EPHA10: variants seen among roughly 807,000 people sequenced by gnomAD.
The protein encoded by EPHA10 is ephrin type-A receptor 10.
In EPHA10, 120 loss-of-function variants were observed where a neutral mutation model predicts 109.7. The observed-to-expected ratio is 1.09, with a 90% CI of 0.94 to 1.27. The LOEUF (loss-of-function observed/expected upper bound fraction) is 1.27, where lower values mean the gene tolerates loss of function less well. EPHA10 is among the 50% of genes most tolerant of loss of function. The pLI is 0.00. For missense variants in EPHA10, 1,396 were observed against 1,411.1 expected, an observed-to-expected ratio of 0.99 and a Z score of 0.17; for synonymous variants, 640 against 618.9, an observed-to-expected ratio of 1.03 and a Z score of -0.51.
At chr1:37,758,448 C>T (rs1028966874) in intron 3 of EPHA10, among the ~76,000 whole-genome samples, 6 of 152,206 alleles carry the variant, frequency 3.9e-5, no homozygotes, top group African/African-American at 1.4e-4. Flanking sequence ...CTACTGCAAC[C>T]TGTTCTCTGT....
chr1:37,761,552 C>T lies in EPHA10; in HGVS notation c.703G>A (p.Glu235Lys). 2 of 1,599,018 alleles carry T rather than the reference C, an allele frequency of 1.3e-6. No homozygotes were observed. Among genetic ancestry groups the T allele is most frequent in the African/African-American group, 1.3e-5 (1 of 74,898 alleles). ...TGCGCCACGCACGTTCCGGCCACTTCCACCAGTGTGGAGAAGGCGCTCTCG... is the reference window on the plus strand; with the variant it reads ...TGCGCCACGCACGTTCCGGCCACTTTCACCAGTGTGGAGAAGGCGCTCTCG... ...AAESAFSTLVEVAGTCVAHSE... is the reference protein window; with the variant it reads ...AAESAFSTLVKVAGTCVAHSE... The change falls in exon 3 of 17, where the codon GAA (glutamate) becomes AAA (lysine). Residue 235 changes from glutamate to lysine, a missense_variant. Physicochemically the swap from Glu to Lys is moderately conservative, Grantham distance 56. Coordinates refer to ENST00000373048, the MANE Select transcript of EPHA10 (RefSeq NM_001099439.2).
intron 6 of EPHA10, among the ~76,000 whole-genome samples, chr1:37,735,033 G>C (rs1408797764): frequency 6.6e-6 from 1 of 152,194 alleles, no homozygotes; most frequent in African/African-American, 2.4e-5. Context: ...GTGACATGGG[G>C]ACAATGGAGA....
chr1:37,748,291 A>G (rs1646270892), intron 5 of EPHA10, among the ~76,000 whole-genome samples: 1 of 152,132 alleles, frequency 6.6e-6, no homozygotes, highest in Non-Finnish European at 1.5e-5. Context: ...CCTGGGAGGT[A>G]GAGGTTGCAG....
At chr1:37,733,195 G>C (rs368462684) in intron 6 of EPHA10, among the ~76,000 whole-genome samples, 1 of 151,536 alleles carries the variant, frequency 6.6e-6, no homozygotes, top group Non-Finnish European at 1.5e-5. Context: ...GCCCGGACTT[G>C]TTCCTTCTTT....
rs553457141 is a variant in EPHA10 at position 37,745,018 on chromosome 1, G to A, written c.1357+7858C>T. Among the ~76,000 whole-genome samples, 176 of 152,290 alleles carry A rather than the reference G, an allele frequency of 1.2e-3. 1 individual carries two copies. The highest frequency in any genetic ancestry group is 3.5e-3 in the African/African-American group (147 of 41,574). On this transcript the variant is annotated intron_variant, in intron 5 of 16. Coordinates refer to ENST00000373048, the MANE Select transcript of EPHA10 (RefSeq NM_001099439.2). The stretch of plus-strand genomic sequence containing the variant: ...GACAGCCATGTGACTAGAGTGATGC[G>A]TCTGCGAGCCAAGGAACACCAAGGA...
intron 5 of EPHA10, among the ~76,000 whole-genome samples, chr1:37,746,154 G>A (rs998666314): frequency 1.2e-4 from 17 of 140,426 alleles, no homozygotes; most frequent in Admixed American, 3.8e-4. Context: ...ATGTTGGAAC[G>A]CAATGGCACG....
chr1:37,739,930 C>CA (rs76877755), intron 5 of EPHA10, among the ~76,000 whole-genome samples: 37,695 of 151,592 alleles, frequency 0.25, 4,817 homozygotes, highest in Admixed American at 0.28. Context: ...CCTGTCTCTA[C>CA]AAAAAATCAA....
At chr1:37,749,938 G>A (rs1391197360) in intron 5 of EPHA10, among the ~76,000 whole-genome samples, 1 of 152,174 alleles carries the variant, frequency 6.6e-6, no homozygotes, top group Non-Finnish European at 1.5e-5. Flanking sequence ...CTAAGTGACA[G>A]GAGTCTTTCA....
intron 6 of EPHA10, among the ~76,000 whole-genome samples, chr1:37,731,835 AG>A (rs1419326186): frequency 6.6e-6 from 1 of 152,198 alleles, no homozygotes; most frequent in Non-Finnish European, 1.5e-5. Context: ...TCTGCATAAG[AG>A]AAATTTTAGA....
chr1:37,718,295 C>T lies in EPHA10; in HGVS notation c.*77G>A, dbSNP rs1337505901. ...CGCTCCCTCCCACACTGCTGGAGCG[C>T]AGCTTGCCACGGTCCTTGGGCAGGG... is the stretch of plus-strand genomic sequence containing the variant. On this transcript the variant is annotated 3_prime_UTR_variant, in exon 17 of 17. Transcript: ENST00000373048. 1.2e-5 allele frequency: 15 copies of T among 1,281,206 alleles called. No homozygotes were observed. The highest frequency in any genetic ancestry group is 5.5e-6 in the Non-Finnish European group (5 of 913,382). 79.4% of individuals were successfully genotyped at this position (1,281,206 alleles called of 1,614,324 possible). A position where few individuals can be genotyped will look rare whatever the true frequency, so the allele number is the denominator to read the frequency against.
At chr1:37,723,585 C>G (rs1375307910) in intron 8 of EPHA10, among the ~76,000 whole-genome samples, 3 of 152,230 alleles carry the variant, frequency 2.0e-5, no homozygotes, top group Non-Finnish European at 4.4e-5. Flanking sequence ...AAACCGTCAC[C>G]ACCACCACCA....
intron 8 of EPHA10, among the ~76,000 whole-genome samples, chr1:37,726,113 T>C (rs1645887732): frequency 6.6e-6 from 1 of 152,242 alleles, no homozygotes; most frequent in Non-Finnish European, 1.5e-5. Flanking sequence ...CTTGGCTTGC[T>C]TGTCTCCCTT....
At chr1:37,721,008 G>C (rs765114990) in intron 11 of EPHA10, among the ~76,000 whole-genome samples, 164 bp from the exon 12 acceptor site, 3 of 152,038 alleles carry the variant, frequency 2.0e-5, no homozygotes, top group African/African-American at 7.2e-5. Context: ...CTATGCCAAG[G>C]AACAAAAGAG....
At chr1:37,740,019 A>ACAGGG (rs1440720773) in intron 5 of EPHA10, among the ~76,000 whole-genome samples, 1 of 152,136 alleles carries the variant, frequency 6.6e-6, no homozygotes, top group Non-Finnish European at 1.5e-5. Flanking sequence ...GCCCAAGACC[A>ACAGGG]GAAGGTCAAG....
Position 37,761,916 on chromosome 1 carries a change from G to T in EPHA10, c.339C>A (p.Ser113Arg). 6.2e-7 allele frequency: 1 copy of T among 1,613,172 alleles called. No homozygotes were observed. Among genetic ancestry groups the T allele is most frequent in the Non-Finnish European group, 8.5e-7 (1 of 1,179,350 alleles). ...VELQFTLRDC[S>R]SIPGAAGTCK... ...AGGTACCCGCGGCGCCAGGGATGCT[G>T]CTGCAGTCACGGAGTGTGAACTGCA... Residue 113 changes from serine (S) to arginine (R), a missense_variant, in exon 3 of 17, where the codon AGC (serine) becomes AGA (arginine). Ser to Arg is a moderately radical substitution (Grantham distance 110, BLOSUM62 -1). Transcript: ENST00000373048.
In EPHA10 at chr1:37,717,564, G is replaced by A. The variant is rs1353632993; in HGVS notation, c.*808C>T. On this transcript the variant is annotated 3_prime_UTR_variant, in exon 17 of 17. Transcript: ENST00000373048. Reference sequence around the variant, plus strand: ...GGAGAGAAAAGCTCTTGGGTCCCTGGGGAGATAACATGGCCCTTTATGCTT... The same window carrying A: ...GGAGAGAAAAGCTCTTGGGTCCCTGAGGAGATAACATGGCCCTTTATGCTT... The A allele has an allele frequency of 8.6e-6, 2 of 231,554 alleles. No individual in the cohort carries two copies. The highest frequency in any genetic ancestry group is 1.7e-5 in the Non-Finnish European group (2 of 117,020). 14.3% of individuals were successfully genotyped at this position (231,554 alleles called of 1,614,324 possible).
At chr1:37,746,598 T>C (rs1646245942) in intron 5 of EPHA10, among the ~76,000 whole-genome samples, 1 of 152,208 alleles carries the variant, frequency 6.6e-6, no homozygotes, top group Non-Finnish European at 1.5e-5. Context: ...CCTAGGTATA[T>C]AGCCATGAAA....
rs774690800 is a variant in EPHA10 at position 37,716,490 on chromosome 1, T to G, written c.*1882A>C. The G allele has an allele frequency of 4.0e-4, 93 of 232,900 alleles. No individual in the cohort carries two copies. Among genetic ancestry groups the G allele is most frequent in the Middle Eastern group, 1.3e-3 (1 of 776 alleles). The allele number at this position is 232,900 out of a possible 1,614,324, so 14.4% of individuals were successfully genotyped here. A position where few individuals can be genotyped will look rare whatever the true frequency, so the allele number is the denominator to read the frequency against. ...AACCCTGACTAAGGTGGTAGCAACATCTTGGTCTCCCCAGTACCCCCAGAG... is the reference window on the plus strand; with the variant it reads ...AACCCTGACTAAGGTGGTAGCAACAGCTTGGTCTCCCCAGTACCCCCAGAG... On this transcript the variant is annotated 3_prime_UTR_variant, in exon 17 of 17. Transcript: ENST00000373048.
At chr1:37,740,294 A>ATTAT in intron 5 of EPHA10, among the ~76,000 whole-genome samples, 1 of 151,798 alleles carries the variant, frequency 6.6e-6, no homozygotes, top group South Asian at 2.1e-4. Flanking sequence ...ATTTTATTTT[A>ATTAT]TTATTTATTT....
Sources: allele counts gnomAD v4.1 joint callset (sites outside exome capture counted in the v4.1 genomes callset), GRCh38; gene constraint gnomAD v4.1.1; transcripts MANE v1.5; gene names NCBI Gene and HGNC (gene_info 2026-07-23, HGNC 2026-07-21).